DSCAML1: variants seen among roughly 807,000 people sequenced by gnomAD.
DSCAML1 encodes DS cell adhesion molecule like 1.
Under a neutral mutation model 200.5 loss-of-function variants are expected in DSCAML1, and 38 were observed. The ratio of observed to expected loss-of-function variants is 0.19; its 90% CI spans 0.15 to 0.25. The LOEUF is 0.25. Among genes scored for constraint, DSCAML1 ranks in the 10% least tolerant of loss-of-function variants. The pLI, the probability that DSCAML1 is intolerant of heterozygous loss-of-function variation, is 1.00. For missense variants in DSCAML1, 2,223 were observed against 2,858.8 expected (o/e 0.78, Z 5.07); for synonymous variants, 1,215 against 1,165.0 (o/e 1.04, Z -0.87).
At chr11:117,434,299 C>A (rs2047862962) in intron 27 of DSCAML1, among the ~76,000 whole-genome samples, 1 of 152,084 alleles carries the variant, frequency 6.6e-6, no homozygotes, top group South Asian at 2.1e-4. Context: ...TTCAACCATC[C>A]ATCTGTCTAT....
At chr11:117,705,280 G>A (rs685961) in intron 3 of DSCAML1, among the ~76,000 whole-genome samples, 149,332 of 152,312 alleles carry the variant, frequency 0.98, 73,275 homozygotes, top group Middle Eastern at 1. Flanking sequence ...CCAGACTGAG[G>A]GTCTAAATTT....
intron 3 of DSCAML1, among the ~76,000 whole-genome samples, chr11:117,685,940 G>A (rs979440478): frequency 6.6e-6 from 1 of 152,184 alleles, no homozygotes; most frequent in Non-Finnish European, 1.5e-5. Context: ...CCTGGAAAGA[G>A]CTTGGGCCCC....
At chr11:117,478,592 C>T (rs550170699) in intron 14 of DSCAML1, among the ~76,000 whole-genome samples, 1 of 152,312 alleles carries the variant, frequency 6.6e-6, no homozygotes, top group South Asian at 2.1e-4. Context: ...ACATTGTTAG[C>T]GGCTCTCAGT....
chr11:117,632,260 G>A (rs2137574264), intron 3 of DSCAML1, among the ~76,000 whole-genome samples: 1 of 152,322 alleles, frequency 6.6e-6, no homozygotes, highest in African/African-American at 2.4e-5. Context: ...ATGCGGTCTT[G>A]GATGCTCCTG....
At chr11:117,803,503 C>A (rs1353591377) in intron 1 of DSCAML1, among the ~76,000 whole-genome samples, 1 of 151,970 alleles carries the variant, frequency 6.6e-6, no homozygotes, top group Non-Finnish European at 1.5e-5. Context: ...AATTAATAAT[C>A]ACATTTGATT....
Position 117,620,560 on chromosome 11 carries a change from G to A in DSCAML1, c.512-88038C>T, listed in dbSNP as rs144300267. 2.2e-3 allele frequency among the ~76,000 whole-genome samples: 329 copies of A among 152,260 alleles called. 2 individuals are homozygous for A. The highest frequency in any genetic ancestry group is 6.8e-3 in the Middle Eastern group (2 of 294). On this transcript the variant is annotated intron_variant, in intron 3 of 32. Transcript: ENST00000651296. Reference sequence around the variant, plus strand: ...AGACAGGCTTGTCTGTTTGCCACCCGTTTGGACTGGGGCCCCCTACTTTGC... The same window carrying A: ...AGACAGGCTTGTCTGTTTGCCACCCATTTGGACTGGGGCCCCCTACTTTGC...
chr11:117,648,279 G>A (rs916044609), intron 3 of DSCAML1, among the ~76,000 whole-genome samples: 1 of 152,198 alleles, frequency 6.6e-6, no homozygotes. Flanking sequence ...AAGGGGTGAG[G>A]GTGGTGTCCA....
intron 3 of DSCAML1, among the ~76,000 whole-genome samples, chr11:117,754,284 G>A (rs1193364297): frequency 2.0e-5 from 3 of 152,164 alleles, no homozygotes; most frequent in South Asian, 2.1e-4. Flanking sequence ...CATTAAATCC[G>A]ACACCAGGGA....
intron 1 of DSCAML1, among the ~76,000 whole-genome samples, chr11:117,789,535 C>CA (rs1290035532): frequency 2.0e-5 from 3 of 152,178 alleles, no homozygotes; most frequent in Non-Finnish European, 4.4e-5. Flanking sequence ...AGTGCTGTCT[C>CA]CAGTGTTCTC....
At position 117,481,347 on chromosome 11, in the gene DSCAML1, C is replaced by T. The variant is rs1592645052; in HGVS notation, c.2560-77G>A. The T allele has an allele frequency of 5.0e-6, 7 of 1,404,600 alleles. No homozygotes were observed. In the East Asian group the frequency reaches 1.6e-4, roughly 32 times the overall value. 87.0% of individuals were successfully genotyped at this position (1,404,600 alleles called of 1,614,324 possible). On this transcript the variant is annotated intron_variant, in intron 12 of 32. Coordinates refer to ENST00000651296, the MANE Select transcript of DSCAML1 (RefSeq NM_020693.4). ...TAGAGCTGGTCAGCTGAAGGGGTCA[C>T]TCCAGGGCTCTCAGCAAGGCCCTCT...
chr11:117,430,781 G>A lies in DSCAML1; in HGVS notation c.5627C>T (p.Pro1876Leu), dbSNP rs1049457062. Reference sequence around the variant, plus strand: ...GTTTTTGCCCCGGTCCGCATCCTGGGGCTTGGGTGGTGAGGCGGTAAAGCG... The same window carrying A: ...GTTTTTGCCCCGGTCCGCATCCTGGAGCTTGGGTGGTGAGGCGGTAAAGCG... ...ICRFTASPPK[P>L]QDADRGKNVA... Residue 1876 changes from proline to leucine, a missense_variant, in exon 32 of 33, where the codon CCC (proline) becomes CTC (leucine). Pro to Leu is a moderately conservative substitution (Grantham distance 98). Transcript: ENST00000651296. 1 of 1,614,162 alleles carries A rather than the reference G, an allele frequency of 6.2e-7. No homozygotes were observed. The highest frequency in any genetic ancestry group is 8.5e-7 in the Non-Finnish European group (1 of 1,180,038).
At chr11:117,512,015 A>G (rs1291854759) in intron 8 of DSCAML1, among the ~76,000 whole-genome samples, 1 of 152,232 alleles carries the variant, frequency 6.6e-6, no homozygotes, top group Non-Finnish European at 1.5e-5. Context: ...AAGCAGTCCC[A>G]GAAGGAATGG....
intron 3 of DSCAML1, among the ~76,000 whole-genome samples, chr11:117,627,659 C>CG (rs1204110674): frequency 3.3e-5 from 5 of 152,132 alleles, no homozygotes; most frequent in African/African-American, 1.2e-4. Flanking sequence ...GAGGGAGCTT[C>CG]GGGAACTCCT....
chr11:117,569,976 T>C (rs1436470094), intron 3 of DSCAML1, among the ~76,000 whole-genome samples: 1 of 152,196 alleles, frequency 6.6e-6, no homozygotes, highest in African/African-American at 2.4e-5. Flanking sequence ...GATTAAGTCA[T>C]TGAGATCTTG....
chr11:117,481,481 A>G (rs994550146), intron 12 of DSCAML1, among the ~76,000 whole-genome samples: 9 of 138,100 alleles, frequency 6.5e-5, no homozygotes, highest in Admixed American at 5.1e-4. Context: ...GGGGGACACC[A>G]GAGGGAGAGA....
chr11:117,601,276 A>G (rs2051461029), intron 3 of DSCAML1, among the ~76,000 whole-genome samples: 1 of 152,146 alleles, frequency 6.6e-6, no homozygotes, highest in South Asian at 2.1e-4. Context: ...AAAGACCCAG[A>G]GGCAACTCCT....
chr11:117,637,696 G>A (rs1440620536), intron 3 of DSCAML1, among the ~76,000 whole-genome samples: 1 of 152,158 alleles, frequency 6.6e-6, no homozygotes, highest in Non-Finnish European at 1.5e-5. Context: ...AAATGAAATA[G>A]AATCAGATCA....
intron 3 of DSCAML1, among the ~76,000 whole-genome samples, chr11:117,566,728 C>A (rs12790686): frequency 0.23 from 32,959 of 143,116 alleles, 4,259 homozygotes; most frequent in Non-Finnish European, 0.25. Flanking sequence ...TCCCTCCCCA[C>A]TCCCCCTACC....
At chr11:117,740,135 G>A (rs2054395849) in intron 3 of DSCAML1, among the ~76,000 whole-genome samples, 1 of 152,158 alleles carries the variant, frequency 6.6e-6, no homozygotes, top group Admixed American at 6.5e-5. Context: ...GCCAGGCAGG[G>A]GCTGGACAAC....
Sources: allele counts gnomAD v4.1 joint callset (sites outside exome capture counted in the v4.1 genomes callset), GRCh38; gene constraint gnomAD v4.1.1; transcripts MANE v1.5; gene names NCBI Gene and HGNC (gene_info 2026-07-23, HGNC 2026-07-21).